The following LINGO2 variants were observed in gnomAD, a reference collection of about 807,000 sequenced individuals.
The protein encoded by LINGO2 is leucine rich repeat and Ig domain containing 2, also known as leucine-rich repeat and immunoglobulin-like domain-containing nogo receptor-interacting protein 2.
LINGO2 carries 14 observed loss-of-function variants against 30.6 expected under a neutral mutation model. The ratio of observed to expected loss-of-function variants is 0.46; its 90% CI spans 0.30 to 0.72. LINGO2 has a LOEUF of 0.72. Among genes scored for constraint, LINGO2 ranks in the 30% least tolerant of loss-of-function variants. The probability of loss-of-function intolerance (pLI) is 0.07; values close to 1 mark genes in which losing one functional copy is unlikely to be tolerated. For synonymous variants in LINGO2, 317 were observed against 288.5 expected, an observed-to-expected ratio of 1.10 and a Z score of -1.00; for missense variants, 729 against 751.7, an observed-to-expected ratio of 0.97 and a Z score of 0.35.
rs558828884 is a variant in LINGO2 at position 28,074,303 on chromosome 9, A to G, written c.-86-61898T>C. 3.9e-5 allele frequency among the ~76,000 whole-genome samples: 6 copies of G among 152,290 alleles called. 1 individual carries two copies. The South Asian group carries it at 1.0e-3, about 26-fold the overall frequency. ...TCTTTTTGATAATTTAGCAGCTAATATCTCTGTAATGATAGTGTAAATCCA... is the reference window on the plus strand; with the variant it reads ...TCTTTTTGATAATTTAGCAGCTAATGTCTCTGTAATGATAGTGTAAATCCA... On this transcript the variant is annotated intron_variant, in intron 4 of 5. Transcript: ENST00000379992.
chr9:28,522,283 T>C (rs569434555), intron 1 of LINGO2, among the ~76,000 whole-genome samples: 34 of 152,264 alleles, frequency 2.2e-4, no homozygotes, highest in African/African-American at 2.2e-4. Flanking sequence ...AAAGCTATCA[T>C]TGTGGGCAAC....
chr9:27,995,356 AAAAG>A (rs555641595), intron 5 of LINGO2, among the ~76,000 whole-genome samples: 387 of 152,308 alleles, frequency 2.5e-3, no homozygotes, highest in African/African-American at 8.5e-3. Flanking sequence ...CAAAAATTTA[AAAAG>A]AAATACTTCT....
chr9:28,168,450 G>C (rs1439361087), intron 4 of LINGO2, among the ~76,000 whole-genome samples: 2 of 152,144 alleles, frequency 1.3e-5, no homozygotes, highest in Non-Finnish European at 2.9e-5. Context: ...CCAATCTCTA[G>C]AGTCAAATTT....
chr9:27,988,003 T>G (rs537755047), intron 5 of LINGO2, among the ~76,000 whole-genome samples: 87 of 152,080 alleles, frequency 5.7e-4, no homozygotes, highest in African/African-American at 2.0e-3. Flanking sequence ...CCCTCCTCCA[T>G]CCCTCCACCC....
At chr9:28,972,121 T>C in the LINGO2 span, among the ~76,000 whole-genome samples, 3 of 152,226 alleles carry the variant, frequency 2.0e-5, no homozygotes, top group Admixed American at 6.5e-5. Flanking sequence ...AAAAACAGCT[T>C]AGACCACAAC....
In LINGO2 at chr9:28,661,988, G is replaced by T. The variant is rs1248279636; in HGVS notation, c.-365+8212C>A. On this transcript the variant is annotated intron_variant, in intron 1 of 5. Transcript: ENST00000379992. ...GCATAACTTAGTACTTTGCTCAAAC[G>T]CCACACACAGCATAATGGAAATGGC... Among the ~76,000 whole-genome samples, 2 of 152,222 alleles carry T rather than the reference G, an allele frequency of 1.3e-5. 1 individual carries two copies. Among genetic ancestry groups the T allele is most frequent in the South Asian group, 4.1e-4 (2 of 4,826 alleles).
At chr9:28,952,992 C>T in the LINGO2 span, among the ~76,000 whole-genome samples, 1 of 152,102 alleles carries the variant, frequency 6.6e-6, no homozygotes, top group Non-Finnish European at 1.5e-5. Context: ...CTGGCATTGG[C>T]ATAGAATAAC....
chr9:29,111,633 G>A, the LINGO2 span, among the ~76,000 whole-genome samples: 12 of 151,650 alleles, frequency 7.9e-5, no homozygotes, highest in African/African-American at 2.2e-4. Context: ...TGGCCTATGT[G>A]AAAGCCATTT....
intron 4 of LINGO2, among the ~76,000 whole-genome samples, chr9:28,015,625 A>AATCAC (rs1181400340): frequency 1.3e-5 from 2 of 152,146 alleles, no homozygotes; most frequent in African/African-American, 4.8e-5. Context: ...TTTTGGAAAG[A>AATCAC]ATCACAACTA....
chr9:28,884,242 T>A, the LINGO2 span, among the ~76,000 whole-genome samples: 1 of 152,174 alleles, frequency 6.6e-6, no homozygotes, highest in African/African-American at 2.4e-5. Context: ...TTCAGTCTGC[T>A]CTTTTTTCCA....
Position 28,419,454 on chromosome 9 carries a change from T to G in LINGO2, c.-278-46586A>C, listed in dbSNP as rs57800009. ...AGATTCAGAGGGGTTATTTGCTTAA[T>G]GTAAGCTGTTGTATAAAGGTAAGAC... On this transcript the variant is annotated intron_variant, in intron 2 of 5. Coordinates refer to ENST00000379992, the Ensembl canonical transcript of LINGO2. 6.5e-3 allele frequency among the ~76,000 whole-genome samples: 986 copies of G among 152,234 alleles called. 39 individuals carry two copies. The East Asian group carries it at 0.093, about 14-fold the overall frequency.
At chr9:29,033,417 G>T in the LINGO2 span, among the ~76,000 whole-genome samples, 25 of 137,776 alleles carry the variant, frequency 1.8e-4, no homozygotes, top group African/African-American at 6.7e-4. Flanking sequence ...ATATAAAACT[G>T]CTGTACTATA....
the LINGO2 span, among the ~76,000 whole-genome samples, chr9:28,700,742 G>C: frequency 6.6e-6 from 1 of 152,006 alleles, no homozygotes; most frequent in Non-Finnish European, 1.5e-5. Flanking sequence ...TTTCCAAAGT[G>C]GCTGTACCAC....
At chr9:28,766,856 G>T in the LINGO2 span, among the ~76,000 whole-genome samples, 1 of 151,142 alleles carries the variant, frequency 6.6e-6, no homozygotes, top group Non-Finnish European at 1.5e-5. Flanking sequence ...GAGAGAGAAA[G>T]AAAAAGAGAG....
the LINGO2 span, among the ~76,000 whole-genome samples, chr9:29,001,313 G>T: frequency 6.6e-6 from 1 of 151,738 alleles, no homozygotes; most frequent in Non-Finnish European, 1.5e-5. Flanking sequence ...CCCTCCTGTG[G>T]CTAAACACAC....
the LINGO2 span, among the ~76,000 whole-genome samples, chr9:29,080,698 T>G: frequency 1.3e-5 from 2 of 152,182 alleles, no homozygotes; most frequent in African/African-American, 4.8e-5. Context: ...CATTTCGTTA[T>G]GTACCCAGTA....
chr9:28,539,932 C>T (rs1049265566), intron 1 of LINGO2, among the ~76,000 whole-genome samples: 1 of 152,036 alleles, frequency 6.6e-6, no homozygotes, highest in African/African-American at 2.4e-5. Flanking sequence ...ATCCCACAGG[C>T]TCCACTAGCT....
At chr9:28,343,079 T>A (rs1170716198) in intron 3 of LINGO2, among the ~76,000 whole-genome samples, 2 of 152,116 alleles carry the variant, frequency 1.3e-5, no homozygotes, top group Admixed American at 1.3e-4. Context: ...ATAAAGCATA[T>A]GACAATCACC....
At chr9:28,182,282 C>T (rs1006055984) in intron 4 of LINGO2, among the ~76,000 whole-genome samples, 2 of 152,134 alleles carry the variant, frequency 1.3e-5, no homozygotes, top group Non-Finnish European at 2.9e-5. Flanking sequence ...TGAAACTGAA[C>T]TCCTTCCTTA....
Sources: allele counts gnomAD v4.1 joint callset (sites outside exome capture counted in the v4.1 genomes callset), GRCh38; gene constraint gnomAD v4.1.1; transcripts MANE v1.5; gene names NCBI Gene and HGNC (gene_info 2026-07-23, HGNC 2026-07-21).